The following ATXN8OS variants were observed in gnomAD, a reference collection of about 807,000 sequenced individuals.
ATXN8OS encodes ATXN8 opposite strand lncRNA, also known as ATXN8 opposite strand (non-protein coding).
intron 2 of ATXN8OS, among the ~76,000 whole-genome samples, chr13:70,122,317 A>C (rs1203056751): frequency 6.6e-6 from 1 of 151,984 alleles, no homozygotes; most frequent in African/African-American, 2.4e-5. Context: ...TCTTTAACTT[A>C]CAATTTAAAC....
chr13:70,113,403 A>G (rs1204154894), intron 1 of ATXN8OS, among the ~76,000 whole-genome samples: 1 of 152,162 alleles, frequency 6.6e-6, no homozygotes, highest in African/African-American at 2.4e-5. Flanking sequence ...TTTGTATAAC[A>G]CTAGAGTCTT....
At position 70,163,888 on chromosome 13, in the gene ATXN8OS, T is replaced by A. The variant is rs552561776; in HGVS notation, n.574-5865T>A. On this transcript the variant is annotated intron_variant and non_coding_transcript_variant, in intron 4 of 4. Transcript: ENST00000678624. ...TTTAACACTCAAGGGAAATCATGGT[T>A]TTTTTTTTAATGTTTTGCCTGATAG... Among the ~76,000 whole-genome samples, 364 of 149,870 alleles carry A rather than the reference T, an allele frequency of 2.4e-3. 3 individuals are homozygous for A. Among genetic ancestry groups the A allele is most frequent in the African/African-American group, 4.6e-3 (187 of 41,066 alleles).
exon 5 of ATXN8OS, among the ~76,000 whole-genome samples, chr13:70,170,355 T>C (rs1245859465): frequency 6.6e-6 from 1 of 152,110 alleles, no homozygotes; most frequent in African/African-American, 2.4e-5. Context: ...ATAAAATAAC[T>C]TCAACATATG....
At chr13:70,143,440 C>T (rs1422754245) in intron 3 of ATXN8OS, among the ~76,000 whole-genome samples, 1 of 151,930 alleles carries the variant, frequency 6.6e-6, no homozygotes, top group African/African-American at 2.4e-5. Flanking sequence ...TATTATAAAC[C>T]GATTTCTCTA....
intron 4 of ATXN8OS, among the ~76,000 whole-genome samples, chr13:70,156,280 T>C (rs987710622): frequency 2.0e-5 from 3 of 151,732 alleles, no homozygotes; most frequent in Non-Finnish European, 2.9e-5. Flanking sequence ...TTTATATTGG[T>C]TAAATTCACT....
rs117301522 is a variant in ATXN8OS, at chr13:70,157,015, G to A, written n.573+9587G>A. On this transcript the variant is annotated intron_variant and non_coding_transcript_variant, in intron 4 of 4. Transcript: ENST00000678624. The stretch of plus-strand genomic sequence containing the variant: ...TTTTAAAATTAGGAAATAACATACC[G>A]TAGATATAAATATAATAATAGAGAC... 5.0e-3 allele frequency among the ~76,000 whole-genome samples: 763 copies of A among 152,064 alleles called. 20 individuals carry two copies. The East Asian group carries it at 0.082, about 16-fold the overall frequency.
At chr13:70,115,355 GA>G (rs1888259975) in intron 2 of ATXN8OS, 1 of 397,402 alleles carries the variant, frequency 2.5e-6, no homozygotes, top group Non-Finnish European at 4.4e-6. Flanking sequence ...CCTCATGACA[GA>G]AACACCTCCC....
At position 70,139,371 on chromosome 13, in the gene ATXN8OS, ACTACTACTACTACTG is replaced by A. The variant is rs1313774099; in HGVS notation, n.500-7981_500-7967del. ...TGGCTTTACTACTACTACTACTACT[ACTACTACTACTACTG>A]CTGCTGCTGCTGCTGCTGCTGCTGC... On this transcript the variant is annotated intron_variant and non_coding_transcript_variant, in intron 3 of 4. Transcript: ENST00000678624. 4 of 643,212 alleles carry A rather than the reference ACTACTACTACTACTG, an allele frequency of 6.2e-6. No homozygotes were observed. In the African/African-American group the frequency reaches 1.0e-4, roughly 16 times the overall value. 39.8% of individuals were successfully genotyped at this position (643,212 alleles called of 1,614,324 possible).
chr13:70,107,792 A>T (rs989550053), exon 1 of ATXN8OS: 2 of 983,966 alleles, frequency 2.0e-6, no homozygotes, highest in African/African-American at 3.3e-5. Context: ...GGGCGGAGGA[A>T]GAGGCGGGAT....
intron 2 of ATXN8OS, among the ~76,000 whole-genome samples, chr13:70,119,915 C>CA (rs5804477): frequency 0.67 from 101,158 of 150,872 alleles, 34,620 homozygotes; most frequent in South Asian, 0.83. Context: ...AAATATTTCA[C>CA]AAAAAAAAAT....
chr13:70,158,631 G>A lies in ATXN8OS; in HGVS notation n.574-11122G>A, dbSNP rs149575237. On this transcript the variant is annotated intron_variant and non_coding_transcript_variant, in intron 4 of 4. Coordinates refer to ENST00000678624, the Ensembl canonical transcript of ATXN8OS. ...GTAAATATTTTGGGTATTGCATTCC[G>A]TATAGTCTCTGTCTCAAACACTCAA... is the stretch of plus-strand genomic sequence containing the variant. Among the ~76,000 whole-genome samples the A allele has an allele frequency of 1.9e-3, 284 of 152,260 alleles. 1 individual carries two copies. Among genetic ancestry groups the A allele is most frequent in the Non-Finnish European group, 3.3e-3 (223 of 68,006 alleles).
chr13:70,128,560 T>A (rs1888478921), intron 2 of ATXN8OS, among the ~76,000 whole-genome samples: 1 of 148,668 alleles, frequency 6.7e-6, no homozygotes, highest in South Asian at 2.1e-4. Flanking sequence ...AAAAAAAAAA[T>A]TACAATCTCA....
At chr13:70,166,097 G>A (rs1022708489) in intron 4 of ATXN8OS, among the ~76,000 whole-genome samples, 5 of 151,972 alleles carry the variant, frequency 3.3e-5, no homozygotes, top group Admixed American at 6.6e-5. Flanking sequence ...TGAAGCACAT[G>A]AATATCTCAT....
At chr13:70,118,001 G>A (rs1258441628) in intron 2 of ATXN8OS, among the ~76,000 whole-genome samples, 2 of 151,996 alleles carry the variant, frequency 1.3e-5, no homozygotes, top group Admixed American at 6.6e-5. Flanking sequence ...TTTTTGGTGA[G>A]CTTGTAGTTT....
chr13:70,115,361 C>A (rs1888260033), intron 2 of ATXN8OS: 2 of 397,276 alleles, frequency 5.0e-6, no homozygotes, highest in Non-Finnish European at 4.4e-6. Context: ...GACAGAAACA[C>A]CTCCCAAAAG....
At chr13:70,146,708 G>A (rs972548507) in intron 3 of ATXN8OS, among the ~76,000 whole-genome samples, 2 of 142,258 alleles carry the variant, frequency 1.4e-5, no homozygotes, top group Non-Finnish European at 3.0e-5. Context: ...GGTGGGAATT[G>A]AACAATGAGA....
At chr13:70,107,939 C>A in exon 1 of ATXN8OS, 1 of 473,460 alleles carries the variant, frequency 2.1e-6, no homozygotes. Context: ...GGGACACCAC[C>A]AGGCAGGAGC....
intron 4 of ATXN8OS, among the ~76,000 whole-genome samples, chr13:70,148,285 T>C (rs1888816670): frequency 6.6e-6 from 1 of 152,168 alleles, no homozygotes; most frequent in South Asian, 2.1e-4. Context: ...TCAAAATATG[T>C]CAGTGAAATA....
chr13:70,127,548 T>C (rs532412825), intron 2 of ATXN8OS, among the ~76,000 whole-genome samples: 8 of 152,108 alleles, frequency 5.3e-5, no homozygotes, highest in South Asian at 2.1e-4. Context: ...AAAAATAGAA[T>C]TTCAAAGACA....
Sources: allele counts gnomAD v4.1 joint callset (sites outside exome capture counted in the v4.1 genomes callset), GRCh38; gene constraint gnomAD v4.1.1; transcripts MANE v1.5; gene names NCBI Gene and HGNC (gene_info 2026-07-23, HGNC 2026-07-21).